The following HERC1 variants were observed in gnomAD, a reference collection of about 807,000 sequenced individuals.
HERC1 encodes HECT and RLD domain containing E3 ubiquitin protein ligase family member 1.
HERC1 carries 160 observed loss-of-function variants against 554.3 expected under a neutral mutation model. The observed-to-expected ratio is 0.29, with a 90% confidence interval of 0.25 to 0.33. HERC1 has a LOEUF of 0.33. Ranked by LOEUF, HERC1 falls within the 10% of genes least tolerant of loss-of-function variation. HERC1 has a pLI of 1.00. For missense variants in HERC1, 4,919 were observed against 5,918.5 expected (o/e 0.83, Z 5.54); for synonymous variants, 2,175 against 2,131.7 (o/e 1.02, Z -0.56).
chr15:63,753,427 G>A (rs1484483193), intron 7 of HERC1, among the ~76,000 whole-genome samples: 1 of 151,874 alleles, frequency 6.6e-6, no homozygotes, highest in Non-Finnish European at 1.5e-5. Context: ...GGTACTATAT[G>A]CGTATAATTT....
Position 63,758,513 on chromosome 15 carries a change from C to T in HERC1, c.1027-144G>A. On this transcript the variant is annotated intron_variant, in intron 3 of 77. Coordinates refer to ENST00000443617, the MANE Select transcript of HERC1 (RefSeq NM_003922.4). The surrounding 1 kb of genome is among the most constrained non-coding windows in gnomAD (Gnocchi z 4.0). ...AACCTATTAAATAAAGATAACTAGA[C>T]TATTTACTCATATGGAATAAACCAC... 3.5e-6 allele frequency: 2 copies of T among 576,812 alleles called. No homozygotes were observed. Among genetic ancestry groups the T allele is most frequent in the Non-Finnish European group, 5.9e-6 (2 of 340,420 alleles). The allele number at this position is 576,812 out of a possible 1,614,324, so 35.7% of individuals were successfully genotyped here.
intron 8 of HERC1, among the ~76,000 whole-genome samples, chr15:63,751,584 T>C (rs1319872677): frequency 1.3e-5 from 2 of 151,948 alleles, no homozygotes; most frequent in East Asian, 3.9e-4. Flanking sequence ...TACTATATAG[T>C]ATGGTGGGAA....
chr15:63,619,729 G>A (rs1364151042), intron 74 of HERC1, among the ~76,000 whole-genome samples: 2 of 152,152 alleles, frequency 1.3e-5, no homozygotes, highest in East Asian at 3.9e-4. Flanking sequence ...TTGGGAGAGT[G>A]TATGTGTCGA....
chr15:63,651,346 T>C lies in HERC1; in HGVS notation c.10453A>G (p.Ser3485Gly). The change falls in exon 53 of 78, where the codon AGT becomes GGT. Residue 3485 changes from serine to glycine, a missense_variant. Coordinates refer to ENST00000443617, the MANE Select transcript of HERC1 (RefSeq NM_003922.4). ...GDAEESLGSP[S>G]DPSFSPVSWS... The stretch of plus-strand genomic sequence containing the variant: ...GAAACTGGTGAGAAACTTGGATCAC[T>C]GGGTGATCCCAGGCTTTCCTCAGCA... The C allele has an allele frequency of 6.2e-7, 1 of 1,612,600 alleles. No individual in the cohort carries two copies. Among genetic ancestry groups the C allele is most frequent in the Non-Finnish European group, 8.5e-7 (1 of 1,178,572 alleles).
intron 1 of HERC1, among the ~76,000 whole-genome samples, chr15:63,826,784 TAAAAAAAAAAAAAA>T (rs71456333): frequency 3.5e-4 from 13 of 37,100 alleles, no homozygotes; most frequent in African/African-American, 8.7e-4. Flanking sequence ...TTATCTCTGG[TAAAAAAAAAAAAAA>T]AAAAAAAAAA....
chr15:63,618,416 T>C (rs2067918980), intron 74 of HERC1, among the ~76,000 whole-genome samples: 1 of 152,088 alleles, frequency 6.6e-6, no homozygotes, highest in Admixed American at 6.5e-5. Context: ...CCTTGGAGTA[T>C]AGTTTGAAGT....
chr15:63,656,393 G>C (rs1397249433), intron 48 of HERC1, 35 bp from the exon 49 acceptor site: 3 of 1,581,606 alleles, frequency 1.9e-6, no homozygotes, highest in Non-Finnish European at 8.6e-7. Context: ...GATGGATAAA[G>C]AAAATGGATT....
At chr15:63,707,920 C>G (rs1178511412) in intron 24 of HERC1, among the ~76,000 whole-genome samples, 1 of 97,852 alleles carries the variant, frequency 1.0e-5, no homozygotes, top group Non-Finnish European at 1.9e-5. Flanking sequence ...CAGAGCAAGA[C>G]TCCCTCTCAA....
rs773950273 is a variant in HERC1, at chr15:63,698,827, A to C, written c.4806T>G (p.Asp1602Glu). ...IENVVSFVSG[D>E]VGNAPGFKEP... ...CTTTAAAACCTGGGGCATTCCCCAC[A>C]TCTCCACTCACAAAGCTTACAACAT... The change falls in exon 26 of 78, where the codon GAT (aspartate) becomes GAG (glutamate). Residue 1602 changes from aspartate to glutamate, a missense_variant. Coordinates refer to ENST00000443617, the MANE Select transcript of HERC1 (RefSeq NM_003922.4). 33 of 1,613,592 alleles carry C rather than the reference A, an allele frequency of 2.0e-5. No homozygotes were observed. The highest frequency in any genetic ancestry group is 2.5e-5 in the Non-Finnish European group (29 of 1,179,662).
intron 1 of HERC1, among the ~76,000 whole-genome samples, chr15:63,797,037 G>C (rs2076834954): frequency 6.6e-6 from 1 of 152,174 alleles, no homozygotes; most frequent in Non-Finnish European, 1.5e-5. Flanking sequence ...GCTGAGAGGA[G>C]GGGGCCATTC....
chr15:63,667,837 C>A (rs2070719037), intron 40 of HERC1, among the ~76,000 whole-genome samples: 1 of 152,176 alleles, frequency 6.6e-6, no homozygotes, highest in South Asian at 2.1e-4. Context: ...TTTTCTTCTG[C>A]CTCTGCCACT....
intron 36 of HERC1, among the ~76,000 whole-genome samples, chr15:63,679,489 C>T (rs1232593081): frequency 6.6e-6 from 1 of 152,090 alleles, no homozygotes; most frequent in Non-Finnish European, 1.5e-5. Flanking sequence ...TTGACTTAAG[C>T]TGTACTATGC....
In HERC1 at chr15:63,674,956, G is replaced by C; in HGVS notation, c.7232C>G (p.Thr2411Ser). 1.2e-6 allele frequency: 2 copies of C among 1,613,962 alleles called. No homozygotes were observed. The highest frequency in any genetic ancestry group is 1.7e-6 in the Non-Finnish European group (2 of 1,179,880). ...GVHEDMGKQS[T>S]KRHEKKHRHE... is the part of the protein sequence containing the mutation. Reference sequence around the variant, plus strand: ...TCGGTGTTTCTTTTCATGTCGTTTGGTGCTCTGTTTGCCCATGTCTTCATG... The same window carrying C: ...TCGGTGTTTCTTTTCATGTCGTTTGCTGCTCTGTTTGCCCATGTCTTCATG... The change falls in exon 38 of 78, where the codon ACC (threonine) becomes AGC (serine). Residue 2411 changes from threonine to serine, a missense_variant. Transcript: ENST00000443617.
At position 63,738,119 on chromosome 15, in the gene HERC1, G is replaced by A. The variant is rs1014843156; in HGVS notation, c.2521-3270C>T. ...GATATATGGACATCATTAACCTCATGTAATAACATACCAAGGACACATTAT... is the reference window on the plus strand; with the variant it reads ...GATATATGGACATCATTAACCTCATATAATAACATACCAAGGACACATTAT... On this transcript the variant is annotated intron_variant, in intron 12 of 77. Transcript: ENST00000443617. Among the ~76,000 whole-genome samples the A allele has an allele frequency of 3.9e-5, 6 of 152,132 alleles. No individual in the cohort carries two copies. In the East Asian group the frequency reaches 1.2e-3, roughly 29 times the overall value.
chr15:63,786,917 A>AT (rs1378851561), intron 1 of HERC1, among the ~76,000 whole-genome samples: 1,837 of 126,924 alleles, frequency 0.014, 72 homozygotes, highest in African/African-American at 0.045. Flanking sequence ...TCAATAAATT[A>AT]TTATTTTTTT....
In HERC1 at chr15:63,645,440, C is replaced by G. The variant is rs138407982; in HGVS notation, c.11078+43G>C. ...ACTTAATGCAGATAACAGTCTATAC[C>G]AATATAAAAACTAAGACGTATAGAT... On this transcript the variant is annotated intron_variant, in intron 56 of 77. Coordinates refer to ENST00000443617, the MANE Select transcript of HERC1 (RefSeq NM_003922.4). 122 of 1,432,862 alleles carry G rather than the reference C, an allele frequency of 8.5e-5. No homozygotes were observed. The African/African-American group carries it at 1.5e-3, about 18-fold the overall frequency. 88.8% of individuals were successfully genotyped at this position (1,432,862 alleles called of 1,614,324 possible).
At chr15:63,701,175 G>T (rs777609236) in intron 25 of HERC1, among the ~76,000 whole-genome samples, 5 of 152,082 alleles carry the variant, frequency 3.3e-5, no homozygotes, top group Non-Finnish European at 7.4e-5. Context: ...AGATTATTTA[G>T]TCCAATTTTC....
At chr15:63,760,445 A>G (rs1159042150) in intron 3 of HERC1, among the ~76,000 whole-genome samples, 1 of 149,580 alleles carries the variant, frequency 6.7e-6, no homozygotes, top group Non-Finnish European at 1.5e-5. Context: ...CAAAAAAAAA[A>G]AAAAAAAAAA....
intron 24 of HERC1, among the ~76,000 whole-genome samples, chr15:63,709,338 T>A (rs1406900116): frequency 6.6e-6 from 1 of 152,212 alleles, no homozygotes; most frequent in East Asian, 1.9e-4. Flanking sequence ...GGTTTTTTTT[T>A]AGTCTTTTTA....
Sources: gnomAD v4.1 joint callset for allele counts (sites outside exome capture counted in the v4.1 genomes callset) on GRCh38, gnomAD v4.1.1 for gene constraint, Gnocchi (gnomAD v3.1) non-coding constraint, MANE v1.5 for transcripts, NCBI Gene and HGNC (gene_info 2026-07-23, HGNC 2026-07-21) for gene names.